Variants in SPTLC1 observed in about 807,000 individuals in gnomAD.
SPTLC1 encodes the protein serine palmitoyltransferase 1.
A neutral mutation model predicts 68.9 loss-of-function variants in SPTLC1; 55 were observed. That is an observed-to-expected ratio of 0.80 (90% CI 0.64 to 1.00). SPTLC1 has a LOEUF of 1.00. Ranked by LOEUF, SPTLC1 falls within the 50% of genes least tolerant of loss-of-function variation. The pLI is 0.00. For missense variants in SPTLC1, 449 were observed against 573.1 expected, an observed-to-expected ratio of 0.78 and a Z score of 2.21; for synonymous variants, 197 against 201.6, an observed-to-expected ratio of 0.98 and a Z score of 0.19.
At chr9:92,113,526 G>A (rs988860978) in intron 1 of SPTLC1, among the ~76,000 whole-genome samples, 2 of 152,144 alleles carry the variant, frequency 1.3e-5, no homozygotes, top group Admixed American at 6.5e-5. Flanking sequence ...GGACAGTTTC[G>A]GGGAATGAGA....
chr9:92,044,978 A>T (rs1833460050), intron 12 of SPTLC1, among the ~76,000 whole-genome samples: 1 of 152,218 alleles, frequency 6.6e-6, no homozygotes, highest in African/African-American at 2.4e-5. Context: ...GCACTGATGC[A>T]TTTCCAGTGA....
chr9:92,044,351 A>G (rs1833442733), intron 12 of SPTLC1, among the ~76,000 whole-genome samples: 1 of 152,246 alleles, frequency 6.6e-6, no homozygotes, highest in African/African-American at 2.4e-5. Flanking sequence ...CGTGCAGTGT[A>G]GCAGAGTCCA....
At chr9:92,094,128 T>C (rs1835454627) in intron 3 of SPTLC1, among the ~76,000 whole-genome samples, 2 of 152,194 alleles carry the variant, frequency 1.3e-5, no homozygotes, top group African/African-American at 4.8e-5. Flanking sequence ...AACCAAGTCT[T>C]TAAGAATACA....
chr9:92,081,742 G>T (rs1357703417), intron 3 of SPTLC1, among the ~76,000 whole-genome samples: 1 of 152,144 alleles, frequency 6.6e-6, no homozygotes, highest in Non-Finnish European at 1.5e-5. Flanking sequence ...AAAATAGAAC[G>T]GAAAAGAAAA....
intron 5 of SPTLC1, 184 bp downstream of exon 5, chr9:92,079,832 T>C (rs746642648): frequency 1.5e-5 from 10 of 675,018 alleles, no homozygotes; most frequent in Non-Finnish European, 2.6e-5. Context: ...TTTTATTATT[T>C]TTTGTAGAGA....
At chr9:92,086,800 A>G (rs1234085616) in intron 3 of SPTLC1, among the ~76,000 whole-genome samples, 2 of 152,146 alleles carry the variant, frequency 1.3e-5, no homozygotes, top group Non-Finnish European at 2.9e-5. Context: ...GCCTTGCTAG[A>G]TTGGGGAAGT....
intron 3 of SPTLC1, among the ~76,000 whole-genome samples, chr9:92,107,644 C>T (rs1265947022): frequency 6.6e-6 from 1 of 152,066 alleles, no homozygotes; most frequent in Non-Finnish European, 1.5e-5. Flanking sequence ...CCCAGCTCCT[C>T]GGGAGGCTGA....
intron 6 of SPTLC1, among the ~76,000 whole-genome samples, chr9:92,067,431 G>T (rs113061204): frequency 1.1e-4 from 17 of 152,350 alleles, no homozygotes; most frequent in African/African-American, 4.1e-4. Flanking sequence ...AGCTGCCTGG[G>T]GCCTGCCAGC....
chr9:92,079,843 C>A, intron 5 of SPTLC1, 173 bp downstream of exon 5: 1 of 692,574 alleles, frequency 1.4e-6, no homozygotes, highest in Non-Finnish European at 2.6e-6. Flanking sequence ...TTTGTAGAGA[C>A]AGGGTCTCCC....
intron 2 of SPTLC1, chr9:92,109,140 T>C (rs1486509741): frequency 1.0e-5 from 3 of 285,912 alleles, no homozygotes; most frequent in African/African-American, 6.5e-5. Context: ...ACCACTCTTT[T>C]AACTTTAGGC....
Position 92,032,131 on chromosome 9 carries a change from G to T in SPTLC1, c.*334C>A. ...TTAGAGGGAGGGAAGAGACACTGAA[G>T]CTCCAGTTTTAAACGACAACAAAAG... On this transcript the variant is annotated 3_prime_UTR_variant, in exon 15 of 15. Transcript: ENST00000262554. The T allele has an allele frequency of 1.4e-6, 1 of 714,158 alleles. No individual in the cohort carries two copies. The highest frequency in any genetic ancestry group is 2.2e-6 in the Non-Finnish European group (1 of 446,984). The allele number at this position is 714,158 out of a possible 1,614,324, so 44.2% of individuals were successfully genotyped here.
chr9:92,079,017 C>T (rs1041131883), intron 5 of SPTLC1: 5 of 961,020 alleles, frequency 5.2e-6, no homozygotes, highest in Non-Finnish European at 6.2e-6. Context: ...ACTTTCCCCA[C>T]ACTGTGTCAT....
Position 92,112,451 on chromosome 9 carries a change from G to A in SPTLC1, c.165+4C>T, listed in dbSNP as rs750680286. On this transcript the variant is annotated splice_donor_region_variant and intron_variant, in intron 2 of 14. Transcript: ENST00000262554. ...ATAATTAAAACAGAGATTTAATTTC[G>A]TACCTTGACTGTAAGATCAGATCGT... 25 of 1,575,560 alleles carry A rather than the reference G, an allele frequency of 1.6e-5. No homozygotes were observed. Among genetic ancestry groups the A allele is most frequent in the Admixed American group, 6.7e-5 (4 of 59,930 alleles).
chr9:92,085,260 T>G (rs1468801061), intron 3 of SPTLC1, among the ~76,000 whole-genome samples: 1 of 148,762 alleles, frequency 6.7e-6, no homozygotes, highest in Admixed American at 6.7e-5. Context: ...GCTCTGATCT[T>G]AGTTATTTCT....
intron 3 of SPTLC1, chr9:92,107,890 T>G (rs1016439831): frequency 6.6e-6 from 1 of 152,252 alleles, no homozygotes; most frequent in Non-Finnish European, 1.5e-5. Context: ...AAATATCTTG[T>G]ATCACATTTT....
chr9:92,104,703 C>T (rs1835891231), intron 3 of SPTLC1: 1 of 1,528,030 alleles, frequency 6.5e-7, no homozygotes, highest in South Asian at 1.2e-5. Context: ...CAGGTAGAGA[C>T]CCAGGGGCAG....
chr9:92,074,076 C>T (rs1181525442), intron 5 of SPTLC1, among the ~76,000 whole-genome samples: 3 of 151,990 alleles, frequency 2.0e-5, no homozygotes, highest in Non-Finnish European at 4.4e-5. Context: ...CTCGGCTTGG[C>T]GGCTGAAGAC....
At chr9:92,104,911 T>C (rs1835900213) in intron 3 of SPTLC1, 6 of 1,534,380 alleles carry the variant, frequency 3.9e-6, no homozygotes, top group Non-Finnish European at 4.4e-6. Flanking sequence ...CCAAGGGCCA[T>C]GGAGTCGCCA....
intron 13 of SPTLC1, among the ~76,000 whole-genome samples, 170 bp from the exon 14 acceptor site, chr9:92,035,053 G>C (rs1451732575): frequency 6.6e-6 from 1 of 152,170 alleles, no homozygotes; most frequent in South Asian, 2.1e-4. Flanking sequence ...ACTGTCCACA[G>C]AACTTTCTGC....
Sources: allele counts gnomAD v4.1 joint callset (sites outside exome capture counted in the v4.1 genomes callset), GRCh38; gene constraint gnomAD v4.1.1; transcripts MANE v1.5; gene names NCBI Gene and HGNC (gene_info 2026-07-23, HGNC 2026-07-21).